PARG: variants seen among roughly 807,000 people sequenced by gnomAD.
The protein encoded by PARG is poly(ADP-ribose) glycohydrolase.
PARG carries 35 observed loss-of-function variants against 113.0 expected under a neutral mutation model. The ratio of observed to expected loss-of-function variants is 0.31; its 90% CI spans 0.24 to 0.41. The LOEUF is 0.41. PARG is among the 10% of genes least tolerant of loss of function. The pLI is 1.00. For synonymous variants in PARG, 330 were observed against 409.9 expected (o/e 0.81, Z 2.36); for missense variants, 797 against 1,169.4 (o/e 0.68, Z 4.64).
chr10:49,901,290 T>A (rs1848337046), intron 7 of PARG, among the ~76,000 whole-genome samples: 1 of 151,888 alleles, frequency 6.6e-6, no homozygotes, highest in South Asian at 2.1e-4. Flanking sequence ...TTTAAAAAAA[T>A]TTTTGTAGCA....
chr10:49,905,456 C>A (rs1848540537), intron 7 of PARG, among the ~76,000 whole-genome samples: 1 of 152,170 alleles, frequency 6.6e-6, no homozygotes, highest in Non-Finnish European at 1.5e-5. Context: ...CCCTTCCTTC[C>A]CCATTACAAC....
At chr10:49,926,754 C>T (rs2132931683) in intron 4 of PARG, among the ~76,000 whole-genome samples, 1 of 152,316 alleles carries the variant, frequency 6.6e-6, no homozygotes, top group East Asian at 1.9e-4. Context: ...GGGACCAAAC[C>T]AATATATAAC....
At chr10:49,822,256 G>A (rs956875786) in intron 16 of PARG, among the ~76,000 whole-genome samples, 14 of 151,890 alleles carry the variant, frequency 9.2e-5, no homozygotes, top group African/African-American at 3.4e-4. Context: ...GTGTGTGTAT[G>A]CACATATATA....
chr10:49,927,700 T>C (rs1554851026), intron 4 of PARG, among the ~76,000 whole-genome samples: 1 of 151,918 alleles, frequency 6.6e-6, no homozygotes, highest in African/African-American at 2.4e-5. Flanking sequence ...CCAGGCACAG[T>C]TGCTCACGCC....
At chr10:49,920,460 AAAAATATATAT>A (rs1296347029) in intron 6 of PARG, among the ~76,000 whole-genome samples, 1 of 53,576 alleles carries the variant, frequency 1.9e-5, no homozygotes, top group African/African-American at 7.9e-5. Flanking sequence ...TTAAAAAAAA[AAAAATATATAT>A]ATATATATAT....
chr10:49,884,047 C>A (rs1207848988), intron 8 of PARG, among the ~76,000 whole-genome samples: 2 of 152,032 alleles, frequency 1.3e-5, no homozygotes, highest in African/African-American at 4.8e-5. Context: ...CTGCCAACAG[C>A]TCTGTAAGTA....
intron 8 of PARG, among the ~76,000 whole-genome samples, chr10:49,881,396 G>T (rs1847207187): frequency 6.6e-6 from 1 of 152,166 alleles, no homozygotes; most frequent in Admixed American, 6.5e-5. Context: ...ATTAAACTAT[G>T]TTTTTAAAGA....
At chr10:49,842,415 G>T (rs1278599158) in intron 14 of PARG, among the ~76,000 whole-genome samples, 1 of 152,186 alleles carries the variant, frequency 6.6e-6, no homozygotes, top group Non-Finnish European at 1.5e-5. Flanking sequence ...CATGCCACTT[G>T]CATCCTGACA....
At chr10:49,842,818 T>C (rs146870692) in intron 14 of PARG, among the ~76,000 whole-genome samples, 6 of 152,302 alleles carry the variant, frequency 3.9e-5, no homozygotes, top group Admixed American at 6.5e-5. Context: ...AACATCTACA[T>C]AGATGTTTGT....
chr10:49,937,171 A>ATAGTT (rs1838788453), intron 1 of PARG, among the ~76,000 whole-genome samples: 1 of 152,218 alleles, frequency 6.6e-6, no homozygotes, highest in Non-Finnish European at 1.5e-5. Flanking sequence ...TACAGCAAGT[A>ATAGTT]TAGTTTAGAA....
chr10:49,830,219 C>T (rs782120944), intron 16 of PARG, among the ~76,000 whole-genome samples: 3 of 152,190 alleles, frequency 2.0e-5, no homozygotes, highest in Non-Finnish European at 4.4e-5. Flanking sequence ...TCACAAATGA[C>T]CACGGCTTAC....
At chr10:49,917,015 T>C (rs1262986510) in intron 6 of PARG, among the ~76,000 whole-genome samples, 1 of 152,046 alleles carries the variant, frequency 6.6e-6, no homozygotes, top group Non-Finnish European at 1.5e-5. Flanking sequence ...GGTTAAAAGA[T>C]GAGCCAACAA....
At chr10:49,893,678 C>A (rs1444930280) in intron 7 of PARG, among the ~76,000 whole-genome samples, 4 of 151,570 alleles carry the variant, frequency 2.6e-5, no homozygotes, top group African/African-American at 9.7e-5. Context: ...ACATGCCTGG[C>A]TAATTTTTGA....
At chr10:49,937,149 C>T (rs1838788023) in intron 1 of PARG, among the ~76,000 whole-genome samples, 1 of 152,158 alleles carries the variant, frequency 6.6e-6, no homozygotes, top group Non-Finnish European at 1.5e-5. Flanking sequence ...TATTTATTTT[C>T]TTTATATCAA....
intron 13 of PARG, among the ~76,000 whole-genome samples, chr10:49,853,334 C>T (rs1299780634): frequency 3.3e-5 from 5 of 151,834 alleles, no homozygotes; most frequent in Non-Finnish European, 7.4e-5. Context: ...CTGCACCCAG[C>T]CGGAATAACA....
At chr10:49,893,163 C>T (rs577685569) in intron 7 of PARG, among the ~76,000 whole-genome samples, 2 of 151,632 alleles carry the variant, frequency 1.3e-5, no homozygotes, top group South Asian at 2.1e-4. Context: ...CAGCCAGACC[C>T]TTTTCCAACA....
chr10:49,935,078 TTC>T lies in PARG; in HGVS notation c.280_281del (p.Glu94LysfsTer4). The T allele has an allele frequency of 1.3e-6, 1 of 746,172 alleles. No individual in the cohort carries two copies. The highest frequency in any genetic ancestry group is 2.4e-6 in the Non-Finnish European group (1 of 415,028). 46.2% of individuals were successfully genotyped at this position (746,172 alleles called of 1,614,324 possible). On this transcript the variant is annotated frameshift_variant, in exon 2 of 18. Transcript: ENST00000616448. LOFTEE classifies it high-confidence loss of function. Reference sequence around the variant, plus strand: ...TCTACATAGGAATGTTTCTATACCTTTCTGATTCCGCTGTCTTGATTCCTTTA... The same window carrying T: ...TCTACATAGGAATGTTTCTATACCTTTGATTCCGCTGTCTTGATTCCTTTA... ...DTKGIKTAES[E>X]SLDSKENNNT...
In PARG at chr10:49,857,306, C is replaced by T; in HGVS notation, c.2353G>A (p.Gly785Ser). The T allele has an allele frequency of 9.0e-7, 1 of 1,113,204 alleles. No individual in the cohort carries two copies. The allele number at this position is 1,113,204 out of a possible 1,614,324, so 69.0% of individuals were successfully genotyped here. A position where few individuals can be genotyped will look rare whatever the true frequency, so the allele number is the denominator to read the frequency against. The change falls in exon 13 of 18, where the codon GGT (glycine) becomes AGT (serine). Residue 785 changes from glycine to serine, a missense_variant and splice_region_variant. Coordinates refer to ENST00000616448, the MANE Select transcript of PARG (RefSeq NM_003631.5). The part of the protein sequence containing the change: ...LDHNECLIIT[G>S]TEQYSEYTGY... The stretch of plus-strand genomic sequence containing the variant: ...ATTTTCCAGGCTTCCCAAAACTAAC[C>T]TGTGATAATTAGACATTCATTGTGA...
At chr10:49,841,291 C>T (rs1486119346) in intron 15 of PARG, among the ~76,000 whole-genome samples, 1 of 151,940 alleles carries the variant, frequency 6.6e-6, no homozygotes, top group Non-Finnish European at 1.5e-5. Flanking sequence ...AAAATCTCTG[C>T]TGAGTGAATA....
Sources: gnomAD v4.1 joint callset for allele counts (sites outside exome capture counted in the v4.1 genomes callset) on GRCh38, gnomAD v4.1.1 for gene constraint, MANE v1.5 for transcripts, NCBI Gene and HGNC (gene_info 2026-07-23, HGNC 2026-07-21) for gene names.